The following ERCC5 variants were observed in gnomAD, a reference collection of about 807,000 sequenced individuals.
ERCC5 encodes the protein DNA excision repair protein ERCC-5.
In ERCC5, 68 loss-of-function variants were observed where a neutral mutation model predicts 105.6. That is an observed-to-expected ratio of 0.64 (90% CI 0.53 to 0.79). The LOEUF (loss-of-function observed/expected upper bound fraction) is 0.79. Ranked by LOEUF, ERCC5 falls within the 30% of genes least tolerant of loss-of-function variation. The probability of loss-of-function intolerance (pLI) is 0.00; values close to 1 mark genes in which losing one functional copy is unlikely to be tolerated. For synonymous variants in ERCC5, 546 were observed against 526.2 expected, an observed-to-expected ratio of 1.04 and a Z score of -0.51; for missense variants, 1,373 against 1,426.7, an observed-to-expected ratio of 0.96 and a Z score of 0.61.
intron 14 of ERCC5, among the ~76,000 whole-genome samples, chr13:102,873,776 G>A (rs968957740): frequency 6.6e-6 from 1 of 152,178 alleles, no homozygotes; most frequent in Non-Finnish European, 1.5e-5. Context: ...TTGTGTATCA[G>A]TAGGAGAGGT....
chr13:102,856,329 C>A (rs1379882973), intron 5 of ERCC5, among the ~76,000 whole-genome samples: 2 of 151,828 alleles, frequency 1.3e-5, no homozygotes, highest in Non-Finnish European at 2.9e-5. Flanking sequence ...TGCCATTATG[C>A]ACATCTATAT....
intron 1 of ERCC5, among the ~76,000 whole-genome samples, chr13:102,848,693 C>T (rs1998876): frequency 0.29 from 44,203 of 151,940 alleles, 7,266 homozygotes; most frequent in Non-Finnish European, 0.37. Flanking sequence ...TTTAATTTTG[C>T]GTATATAAAC....
Position 102,862,010 on chromosome 13 carries a change from G to A in ERCC5, c.881-20G>A, listed in dbSNP as rs777288711. ...ACACTGTAAAACTGAATGGTGAGAA[G>A]TGTTTTAATTCTTCTTAAGGTATTC... On this transcript the variant is annotated intron_variant, in intron 7 of 14. Transcript: ENST00000652225. 3 of 1,613,620 alleles carry A rather than the reference G, an allele frequency of 1.9e-6. No individual in the cohort carries two copies. The highest frequency in any genetic ancestry group is 2.2e-5 in the East Asian group (1 of 44,882).
chr13:102,859,615 T>G (rs1210013860), intron 6 of ERCC5, among the ~76,000 whole-genome samples: 11 of 152,232 alleles, frequency 7.2e-5, no homozygotes, highest in African/African-American at 2.4e-4. Flanking sequence ...CAGTCCCTAA[T>G]GATTTACTGT....
intron 2 of ERCC5, 134 bp downstream of exon 2, chr13:102,852,427 A>T: frequency 1.0e-6 from 1 of 996,004 alleles, no homozygotes; most frequent in Non-Finnish European, 1.5e-6. Flanking sequence ...ACTTAATTAC[A>T]TCTACTTTTT....
intron 13 of ERCC5, 51 bp from the exon 14 acceptor site, chr13:102,873,208 T>A: frequency 6.2e-7 from 1 of 1,610,942 alleles, no homozygotes; most frequent in South Asian, 1.1e-5. Context: ...TTTTTATTTG[T>A]CACTTGTTTA....
At chr13:102,856,617 C>A (rs4150283) in intron 5 of ERCC5, among the ~76,000 whole-genome samples, 1 of 152,138 alleles carries the variant, frequency 6.6e-6, no homozygotes, top group African/African-American at 2.4e-5. Context: ...CATTTGTTAT[C>A]GTCATCTGTC....
In ERCC5 at chr13:102,865,594, A is replaced by C; in HGVS notation, c.1955-73A>C. On this transcript the variant is annotated intron_variant, in intron 8 of 14. Coordinates refer to ENST00000652225, the MANE Select transcript of ERCC5 (RefSeq NM_000123.4). The surrounding 1 kb of genome is among the most constrained non-coding windows in gnomAD (Gnocchi z 4.0). ...TGTAGCATTTTTCAGGTTCCTCCAG[A>C]AAGCTCTTGATGATTGCAGGATCAT... is the stretch of plus-strand genomic sequence containing the variant. 1 of 1,590,508 alleles carries C rather than the reference A, an allele frequency of 6.3e-7. No homozygotes were observed. Among genetic ancestry groups the C allele is most frequent in the African/African-American group, 1.3e-5 (1 of 74,466 alleles).
In ERCC5 at chr13:102,857,271, G is replaced by C. The variant is rs1003789339; in HGVS notation, c.529-1004G>C. Reference sequence around the variant, plus strand: ...AGAGCAATCTTAGTTAAGACCATGGGCCTCGTGGTCAAAAAGACCTGCGTT... The same window carrying C: ...AGAGCAATCTTAGTTAAGACCATGGCCCTCGTGGTCAAAAAGACCTGCGTT... On this transcript the variant is annotated intron_variant, in intron 5 of 14. Transcript: ENST00000652225. Among the ~76,000 whole-genome samples, 3 of 152,152 alleles carry C rather than the reference G, an allele frequency of 2.0e-5. No individual in the cohort carries two copies. In the South Asian group the frequency reaches 6.2e-4, roughly 32 times the overall value.
intron 6 of ERCC5, among the ~76,000 whole-genome samples, chr13:102,860,777 T>C (rs1882588916): frequency 6.6e-6 from 1 of 152,204 alleles, no homozygotes. Context: ...GGAAATGCCT[T>C]ATAATGTTAA....
At chr13:102,854,057 A>C in intron 3 of ERCC5, 185 bp downstream of exon 3, 1 of 731,748 alleles carries the variant, frequency 1.4e-6, no homozygotes, top group East Asian at 2.7e-5. Context: ...CCGTTCTGTG[A>C]GAATCAACTT....
At chr13:102,871,251 C>T (rs111346116) in intron 12 of ERCC5, among the ~76,000 whole-genome samples, 1 of 152,298 alleles carries the variant, frequency 6.6e-6, no homozygotes, top group Non-Finnish European at 1.5e-5. Flanking sequence ...AGGGCCTCCC[C>T]TAGGCCTGGC....
intron 6 of ERCC5, 55 bp downstream of exon 6, chr13:102,858,473 T>C (rs1882505316): frequency 6.2e-7 from 1 of 1,612,858 alleles, no homozygotes; most frequent in Non-Finnish European, 8.5e-7. Context: ...AGCAAAACTT[T>C]TTATTAGAAA....
intron 5 of ERCC5, 118 bp downstream of exon 5, chr13:102,856,230 A>G: frequency 1.8e-6 from 2 of 1,088,826 alleles, no homozygotes; most frequent in East Asian, 2.5e-5. Context: ...GTAAAGACAG[A>G]TGGCTTTTTG....
At chr13:102,847,391 G>T (rs1317259804) in intron 1 of ERCC5, among the ~76,000 whole-genome samples, 3 of 150,304 alleles carry the variant, frequency 2.0e-5, no homozygotes, top group Non-Finnish European at 4.4e-5. Context: ...CTAGGGGCTC[G>T]TGGGCTTGTG....
At chr13:102,848,032 A>G (rs1882045264) in intron 1 of ERCC5, among the ~76,000 whole-genome samples, 1 of 152,154 alleles carries the variant, frequency 6.6e-6, no homozygotes, top group Non-Finnish European at 1.5e-5. Context: ...GGTGGCCTGC[A>G]CCTTTGGTCC....
rs775372737 is a variant in ERCC5, at chr13:102,862,311, C to CT, written c.1165dup (p.Ser389PhefsTer4). The CT allele has an allele frequency of 6.2e-7, 1 of 1,614,160 alleles. No homozygotes were observed. Among genetic ancestry groups the CT allele is most frequent in the Non-Finnish European group, 8.5e-7 (1 of 1,180,032 alleles). ...CGAAGGCTCCATATCACCCCGGACT[C>CT]TTTCAGCCATTAAGAGAGCTCTTGA... is the stretch of plus-strand genomic sequence containing the variant. On this transcript the variant is annotated frameshift_variant, in exon 8 of 15. Transcript: ENST00000652225. LOFTEE classifies it high-confidence loss of function.
chr13:102,875,524 C>G lies in ERCC5; in HGVS notation c.3182C>G (p.Thr1061Arg), dbSNP rs1883188478. 6.2e-7 allele frequency: 1 copy of G among 1,614,032 alleles called. No individual in the cohort carries two copies. Among genetic ancestry groups the G allele is most frequent in the East Asian group, 2.2e-5 (1 of 44,878 alleles). The part of the protein sequence containing the change: ...AKGKTQKRGI[T>R]NTLEESSSLK... ...GGAAAAACCCAGAAGAGAGGCATAACAAATACCTTAGAAGAGTCATCAAGC... is the reference window on the plus strand; with the variant it reads ...GGAAAAACCCAGAAGAGAGGCATAAGAAATACCTTAGAAGAGTCATCAAGC... The change falls in exon 15 of 15, where the codon ACA becomes AGA. Residue 1061 changes from threonine to arginine, a missense_variant. Around this residue, in one of 3 missense-constraint regions of ERCC5, gnomAD observed 367 missense variants for 350.2 expected, o/e 1.05. Coordinates refer to ENST00000652225, the MANE Select transcript of ERCC5 (RefSeq NM_000123.4).
intron 12 of ERCC5, among the ~76,000 whole-genome samples, chr13:102,869,965 G>A (rs1882978313): frequency 6.6e-6 from 1 of 152,190 alleles, no homozygotes; most frequent in South Asian, 2.1e-4. Flanking sequence ...TCTGCCTTTG[G>A]TCCTCCAGCT....
Sources: gnomAD v4.1 joint callset for allele counts (sites outside exome capture counted in the v4.1 genomes callset) on GRCh38, gnomAD v4.1.1 for gene constraint, gnomAD v4.1.1 regional missense constraint, Gnocchi (gnomAD v3.1) non-coding constraint, MANE v1.5 for transcripts, NCBI Gene and HGNC (gene_info 2026-07-23, HGNC 2026-07-21) for gene names.